Variants in RAP1GAP2 observed in about 807,000 individuals in gnomAD.
The protein encoded by RAP1GAP2 is rap1 GTPase-activating protein 2.
A neutral mutation model predicts 95.0 loss-of-function variants in RAP1GAP2; 27 were observed. That is an observed-to-expected ratio of 0.28 (90% CI 0.21 to 0.39). The LOEUF (loss-of-function observed/expected upper bound fraction) is 0.39, where lower values mean the gene tolerates loss of function less well. Ranked by LOEUF, RAP1GAP2 falls within the 10% of genes least tolerant of loss-of-function variation. The probability of loss-of-function intolerance (pLI) is 1.00; values close to 1 mark genes in which losing one functional copy is unlikely to be tolerated. For synonymous variants in RAP1GAP2, 373 were observed against 380.9 expected (o/e 0.98, Z 0.24); for missense variants, 771 against 970.0 (o/e 0.79, Z 2.72).
At chr17:2,800,274 C>T in intron 1 of RAP1GAP2, 1 of 955,594 alleles carries the variant, frequency 1.0e-6, no homozygotes, top group Non-Finnish European at 1.2e-6. Flanking sequence ...GCCTGGGTTT[C>T]CTCATCTCTG....
chr17:2,930,513 C>G (rs1350931486), intron 3 of RAP1GAP2, among the ~76,000 whole-genome samples: 1 of 152,208 alleles, frequency 6.6e-6, no homozygotes, highest in African/African-American at 2.4e-5. Flanking sequence ...TTTCCTACTT[C>G]GCAGGCTCAT....
chr17:2,991,741 GA>G (rs1232054807), intron 12 of RAP1GAP2, among the ~76,000 whole-genome samples: 2 of 152,086 alleles, frequency 1.3e-5, no homozygotes, highest in African/African-American at 4.8e-5. Context: ...GTTTTGGGGG[GA>G]AATGACCTAT....
intron 2 of RAP1GAP2, among the ~76,000 whole-genome samples, chr17:2,861,954 C>A (rs2072412685): frequency 6.6e-6 from 1 of 152,234 alleles, no homozygotes; most frequent in Non-Finnish European, 1.5e-5. Flanking sequence ...CCATGCCTGG[C>A]TCCCTGGGGC....
intron 2 of RAP1GAP2, among the ~76,000 whole-genome samples, chr17:2,879,582 T>C (rs1238518266): frequency 6.6e-6 from 1 of 151,788 alleles, no homozygotes; most frequent in Non-Finnish European, 1.5e-5. Context: ...AAAAAATAGC[T>C]GGGTATGGTG....
chr17:2,997,574 G>A (rs994652816), intron 13 of RAP1GAP2, among the ~76,000 whole-genome samples: 6 of 152,096 alleles, frequency 3.9e-5, no homozygotes, highest in East Asian at 3.9e-4. Flanking sequence ...TAAGATGCTC[G>A]CTAGCCTCTA....
At position 3,016,717 on chromosome 17, in the gene RAP1GAP2, A is replaced by G. The variant is rs369979941; in HGVS notation, c.1495-1344A>G. Among the ~76,000 whole-genome samples, 5 of 145,780 alleles carry G rather than the reference A, an allele frequency of 3.4e-5. No individual in the cohort carries two copies. In the South Asian group the frequency reaches 1.0e-3, roughly 30 times the overall value. The stretch of plus-strand genomic sequence containing the variant: ...GAGTAGCCACACTTATCAGATCATT[A>G]CGATGTGCTGGGCTGTCTCCTCAGA... On this transcript the variant is annotated intron_variant, in intron 17 of 24. Transcript: ENST00000254695.
chr17:2,792,200 CCA>C (rs1396537866), upstream of RAP1GAP2, among the ~76,000 whole-genome samples: 1 of 152,174 alleles, frequency 6.6e-6, no homozygotes, highest in African/African-American at 2.4e-5. Context: ...CCCAGGGAGC[CCA>C]CAGTCTCCTT....
At chr17:2,789,608 A>G (rs1245580630) in intron 1 of RAP1GAP2, among the ~76,000 whole-genome samples, 5 of 12,038 alleles carry the variant, frequency 4.2e-4, no homozygotes, top group Admixed American at 1.2e-3. Context: ...AGTCTCTACT[A>G]AAAAAAAAAA....
intron 19 of RAP1GAP2, among the ~76,000 whole-genome samples, chr17:3,024,208 G>A (rs1359047746): frequency 6.6e-6 from 1 of 152,110 alleles, no homozygotes; most frequent in African/African-American, 2.4e-5. Context: ...AGGGGATGGA[G>A]TCTCTGAAGC....
At chr17:2,833,862 T>C (rs765778839) in intron 2 of RAP1GAP2, among the ~76,000 whole-genome samples, 3 of 152,124 alleles carry the variant, frequency 2.0e-5, no homozygotes, top group Non-Finnish European at 4.4e-5. Context: ...CCAATTTCTA[T>C]GCCACTAGTA....
At chr17:2,933,754 G>T (rs2043225115) in intron 3 of RAP1GAP2, among the ~76,000 whole-genome samples, 1 of 151,780 alleles carries the variant, frequency 6.6e-6, no homozygotes, top group Admixed American at 6.5e-5. Context: ...GATTTCCAGA[G>T]CTGCTTTTTT....
intron 2 of RAP1GAP2, among the ~76,000 whole-genome samples, chr17:2,858,087 G>A (rs560784215): frequency 4.6e-5 from 7 of 152,100 alleles, no homozygotes; most frequent in African/African-American, 1.2e-4. Context: ...GCAACACAGC[G>A]AGACTCTGTC....
chr17:2,989,252 G>A (rs1402678461), intron 11 of RAP1GAP2, among the ~76,000 whole-genome samples: 1 of 152,088 alleles, frequency 6.6e-6, no homozygotes, highest in Non-Finnish European at 1.5e-5. Context: ...GTTTTAATTT[G>A]CATTTCTCTA....
intron 2 of RAP1GAP2, among the ~76,000 whole-genome samples, chr17:2,841,859 C>T (rs2071386026): frequency 6.6e-6 from 1 of 152,276 alleles, no homozygotes; most frequent in Admixed American, 6.5e-5. Context: ...CCTGGGGTCA[C>T]GGCTTTTCCT....
intron 8 of RAP1GAP2, among the ~76,000 whole-genome samples, chr17:2,970,623 A>T (rs2044826642): frequency 1.3e-5 from 2 of 152,212 alleles, no homozygotes; most frequent in Non-Finnish European, 2.9e-5. Flanking sequence ...TTAAATTTAT[A>T]ATCTTAATAT....
In RAP1GAP2 at chr17:2,781,213, C is replaced by T. The variant is rs115512183; in HGVS notation, c.-14+3935C>T. Among the ~76,000 whole-genome samples the T allele has an allele frequency of 6.7e-3, 1,027 of 152,306 alleles. 5 individuals are homozygous for T. The highest frequency in any genetic ancestry group is 0.023 in the African/African-American group (976 of 41,566). On this transcript the variant is annotated intron_variant, in intron 1 of 24. Transcript: ENST00000540393. ...TTACTGGCCTCCTTCTTGGACCATG[C>T]TGGGCCTGCTGGCTGCGCTCTGCCA...
At chr17:2,918,210 C>G (rs141659551) in intron 3 of RAP1GAP2, among the ~76,000 whole-genome samples, 1 of 151,776 alleles carries the variant, frequency 6.6e-6, no homozygotes, top group Non-Finnish European at 1.5e-5. Flanking sequence ...CTGAGGCGGG[C>G]AGATCATGAG....
Position 2,866,326 on chromosome 17 carries a change from C to T in RAP1GAP2, c.81-38958C>T, listed in dbSNP as rs1166043430. Among the ~76,000 whole-genome samples, 2 of 152,202 alleles carry T rather than the reference C, an allele frequency of 1.3e-5. No homozygotes were observed. Among genetic ancestry groups the T allele is most frequent in the Non-Finnish European group, 2.9e-5 (2 of 68,040 alleles). ...CTGTTAGGGCGGCCTGGGGCCATTTCGTGTTAGGTGTTGAATGCTGGGGAA... is the reference window on the plus strand; with the variant it reads ...CTGTTAGGGCGGCCTGGGGCCATTTTGTGTTAGGTGTTGAATGCTGGGGAA... On this transcript the variant is annotated intron_variant, in intron 2 of 24. Coordinates refer to ENST00000254695, the MANE Select transcript of RAP1GAP2 (RefSeq NM_015085.5). This position sits in a 1 kb window ranked among gnomAD's most constrained non-coding sequence, Gnocchi z 4.0.
intron 3 of RAP1GAP2, among the ~76,000 whole-genome samples, chr17:2,927,329 A>T (rs905817156): frequency 6.6e-6 from 1 of 150,416 alleles, no homozygotes; most frequent in East Asian, 2.0e-4. Context: ...AATTTTTTGT[A>T]TTTTTAGTAG....
Sources: gnomAD v4.1 joint callset for allele counts (sites outside exome capture counted in the v4.1 genomes callset) on GRCh38, gnomAD v4.1.1 for gene constraint, Gnocchi (gnomAD v3.1) non-coding constraint, MANE v1.5 for transcripts, NCBI Gene and HGNC (gene_info 2026-07-23, HGNC 2026-07-21) for gene names.